Variants in WASHC2C observed in about 807,000 individuals in gnomAD.
The protein encoded by WASHC2C is WASH complex subunit 2C, also known as Vaccinia Penetration Factor.
A neutral mutation model predicts 142.2 loss-of-function variants in WASHC2C; 73 were observed. The ratio of observed to expected loss-of-function variants is 0.51; its 90% CI spans 0.43 to 0.62. The LOEUF (loss-of-function observed/expected upper bound fraction) is 0.62. WASHC2C is among the 20% of genes least tolerant of loss of function. The pLI is 0.00. For synonymous variants in WASHC2C, 337 were observed against 565.5 expected (o/e 0.60, Z 5.73); for missense variants, 969 against 1,531.7 (o/e 0.63, Z 6.13).
chr10:45,736,178 T>A (rs1445695906), intron 3 of WASHC2C, among the ~76,000 whole-genome samples: 1 of 147,968 alleles, frequency 6.8e-6, no homozygotes, highest in East Asian at 2.0e-4. Flanking sequence ...GAGGCCGAGG[T>A]GGGCGAATCA....
chr10:45,742,279 GTTC>G (rs1177530438), intron 5 of WASHC2C, among the ~76,000 whole-genome samples: 1 of 152,210 alleles, frequency 6.6e-6, no homozygotes, highest in African/African-American at 2.4e-5. Flanking sequence ...AGGGGGTATT[GTTC>G]TTCTGTTTAT....
intron 30 of WASHC2C, among the ~76,000 whole-genome samples, chr10:45,791,281 G>A (rs1347366356): frequency 1.3e-5 from 2 of 152,150 alleles, no homozygotes; most frequent in East Asian, 3.8e-4. Context: ...ATGGAATGCA[G>A]AAGGGAACTC....
chr10:45,727,883 G>A lies in WASHC2C; in HGVS notation c.126+344G>A, dbSNP rs550992331. Among the ~76,000 whole-genome samples, 461 of 152,318 alleles carry A rather than the reference G, an allele frequency of 3.0e-3. 1 individual carries two copies. Among genetic ancestry groups the A allele is most frequent in the African/African-American group, 0.011 (441 of 41,568 alleles). On this transcript the variant is annotated intron_variant, in intron 2 of 30. Transcript: ENST00000623400. ...ACTAAATGGGGTGGGAAACAAGCCA[G>A]TATGTGGATATCCTTTAATGGGATT... is the stretch of plus-strand genomic sequence containing the variant.
chr10:45,757,563 G>A lies in WASHC2C; in HGVS notation c.1548+424G>A, dbSNP rs533205520. On this transcript the variant is annotated intron_variant, in intron 16 of 30. Coordinates refer to ENST00000623400, the MANE Select transcript of WASHC2C (RefSeq NM_001330074.2). ...TATAGTAGAATCTAATATCTAGTCT[G>A]TATTAGAATTGCTCCAGTTGCCCCA... is the stretch of plus-strand genomic sequence containing the variant. 5.9e-4 allele frequency among the ~76,000 whole-genome samples: 90 copies of A among 152,230 alleles called. 1 individual carries two copies. Among genetic ancestry groups the A allele is most frequent in the African/African-American group, 2.1e-3 (87 of 41,532 alleles).
chr10:45,779,521 G>T (rs1354606277), intron 23 of WASHC2C, among the ~76,000 whole-genome samples: 2 of 152,200 alleles, frequency 1.3e-5, no homozygotes, highest in African/African-American at 4.8e-5. Context: ...TACTGATCAG[G>T]TGTCAGCAAA....
chr10:45,741,439 A>G (rs562563480), intron 5 of WASHC2C, among the ~76,000 whole-genome samples: 1 of 151,014 alleles, frequency 6.6e-6, no homozygotes, highest in South Asian at 2.1e-4. Flanking sequence ...TGATACTTCC[A>G]AGACACACAG....
chr10:45,748,517 T>C (rs2053137764), intron 8 of WASHC2C, among the ~76,000 whole-genome samples: 1 of 152,262 alleles, frequency 6.6e-6, no homozygotes, highest in Non-Finnish European at 1.5e-5. Flanking sequence ...CTTGAACTCC[T>C]GACCTCAGGT....
intron 2 of WASHC2C, among the ~76,000 whole-genome samples, chr10:45,728,609 G>C (rs1207618960): frequency 6.6e-6 from 1 of 151,122 alleles, no homozygotes; most frequent in Non-Finnish European, 1.5e-5. Context: ...GTTGTGGCGG[G>C]CACCTGTAAT....
rs782728707 is a variant in WASHC2C, at chr10:45,743,497, C to T, written c.622+14C>T. The T allele has an allele frequency of 3.1e-6, 5 of 1,610,486 alleles. No homozygotes were observed. The highest frequency in any genetic ancestry group is 3.4e-6 in the Non-Finnish European group (4 of 1,179,436). Reference sequence around the variant, plus strand: ...TGTCCAGTGAAGGTACTTTTCTTCACCAAATAATTTTATTCCTTAACATTT... The same window carrying T: ...TGTCCAGTGAAGGTACTTTTCTTCATCAAATAATTTTATTCCTTAACATTT... On this transcript the variant is annotated intron_variant, in intron 6 of 30. Coordinates refer to ENST00000623400, the MANE Select transcript of WASHC2C (RefSeq NM_001330074.2).
intron 8 of WASHC2C, 105 bp from the exon 9 acceptor site, chr10:45,749,990 TA>T (rs1317485358): frequency 1.0e-4 from 97 of 972,270 alleles, no homozygotes; most frequent in Non-Finnish European, 1.2e-4. Flanking sequence ...TTATGATTAT[TA>T]TTTTAAAAAG....
chr10:45,752,664 G>T lies in WASHC2C; in HGVS notation c.1080G>T (p.Leu360=), dbSNP rs782409996. ...CGCCATTTGGCTCTGGAGGTGGCCT[G>T]TTCAGTGGCGGCAAGGGGCTATTTG... ...DFSPFGSGGG[L]FSGGKGLFDD... is the part of the protein sequence containing the mutation. Residue 360 remains leucine (L), a synonymous_variant, in exon 12 of 31, where the codon CTG becomes CTT. Transcript: ENST00000623400. 6.2e-7 allele frequency: 1 copy of T among 1,609,626 alleles called. No individual in the cohort carries two copies. Among genetic ancestry groups the T allele is most frequent in the South Asian group, 1.1e-5 (1 of 90,942 alleles).
intron 14 of WASHC2C, 135 bp downstream of exon 14, chr10:45,754,680 A>C (rs2054021729): frequency 1.0e-6 from 1 of 984,202 alleles, no homozygotes; most frequent in Admixed American, 2.8e-5. Flanking sequence ...CATCTTATAG[A>C]AAGAGCTCAT....
chr10:45,782,229 T>C (rs1316281634), intron 23 of WASHC2C, among the ~76,000 whole-genome samples: 1 of 152,222 alleles, frequency 6.6e-6, no homozygotes, highest in Non-Finnish European at 1.5e-5. Context: ...TTCAAGGCTG[T>C]AGTGGGCTGT....
chr10:45,782,931 A>G (rs529812206), intron 23 of WASHC2C, among the ~76,000 whole-genome samples: 70 of 152,146 alleles, frequency 4.6e-4, no homozygotes, highest in African/African-American at 1.5e-3. Context: ...GGCTGGGAGT[A>G]GCAGTGAGCA....
At chr10:45,768,069 A>G (rs369276567) in intron 19 of WASHC2C, among the ~76,000 whole-genome samples, 4,542 of 145,154 alleles carry the variant, frequency 0.031, 9 homozygotes, top group East Asian at 0.043. Context: ...CTACTAAAAA[A>G]TACAAAAATT....
At chr10:45,733,606 A>G (rs1314572455) in intron 3 of WASHC2C, among the ~76,000 whole-genome samples, 1 of 152,266 alleles carries the variant, frequency 6.6e-6, no homozygotes, top group Non-Finnish European at 1.5e-5. Flanking sequence ...GAGGATGCAT[A>G]GTCCTGCTCA....
At chr10:45,732,371 G>C (rs1554862735) in intron 3 of WASHC2C, among the ~76,000 whole-genome samples, 2 of 152,142 alleles carry the variant, frequency 1.3e-5, no homozygotes, top group African/African-American at 4.8e-5. Flanking sequence ...GGCTCAAGAG[G>C]GGACTTGGAG....
At chr10:45,752,360 C>G (rs1183925168) in intron 11 of WASHC2C, among the ~76,000 whole-genome samples, 2 of 152,416 alleles carry the variant, frequency 1.3e-5, no homozygotes, top group East Asian at 3.9e-4. Context: ...ATGCTGTGTG[C>G]CACAGACGTG....
intron 23 of WASHC2C, among the ~76,000 whole-genome samples, chr10:45,784,252 G>GTATATATATATATATATA (rs71225139): frequency 2.5e-5 from 1 of 40,736 alleles, no homozygotes; most frequent in African/African-American, 7.7e-5. Context: ...GTGTGTGTGT[G>GTATATATATATATATATA]TATATATATA....
Sources: gnomAD v4.1 joint callset for allele counts (sites outside exome capture counted in the v4.1 genomes callset) on GRCh38, gnomAD v4.1.1 for gene constraint, MANE v1.5 for transcripts, NCBI Gene and HGNC (gene_info 2026-07-23, HGNC 2026-07-21) for gene names.